Variants in PALMD observed in about 807,000 individuals in gnomAD.
PALMD encodes the protein palmdelphin.
PALMD carries 42 observed loss-of-function variants against 56.2 expected under a neutral mutation model. That is an observed-to-expected ratio of 0.75 (90% CI 0.58 to 0.97). The LOEUF is 0.97. Among genes scored for constraint, PALMD ranks in the 50% least tolerant of loss-of-function variants. PALMD has a pLI of 0.00. For missense variants in PALMD, 660 were observed against 643.8 expected (o/e 1.03, Z -0.27); for synonymous variants, 242 against 222.9 (o/e 1.09, Z -0.76).
intron 1 of PALMD, among the ~76,000 whole-genome samples, chr1:99,658,352 A>C (rs1467108113): frequency 6.6e-6 from 1 of 151,948 alleles, no homozygotes; most frequent in Non-Finnish European, 1.5e-5. Flanking sequence ...TAATAACTTT[A>C]TTTCTCAGAC....
At chr1:99,683,072 G>A (rs1456993185) in intron 3 of PALMD, among the ~76,000 whole-genome samples, 1 of 17,054 alleles carries the variant, frequency 5.9e-5, no homozygotes, top group Non-Finnish European at 9.5e-5. Flanking sequence ...GAGAGAGAGA[G>A]AGAGAGAGAG....
At chr1:99,678,307 G>A (rs959757510) in intron 3 of PALMD, among the ~76,000 whole-genome samples, 1 of 151,948 alleles carries the variant, frequency 6.6e-6, no homozygotes, top group Non-Finnish European at 1.5e-5. Context: ...GTTTCACCAT[G>A]TTGGCCGGGC....
At chr1:99,692,649 G>A (rs1653674685) in intron 7 of PALMD, among the ~76,000 whole-genome samples, 1 of 152,114 alleles carries the variant, frequency 6.6e-6, no homozygotes, top group Admixed American at 6.5e-5. Flanking sequence ...TTACAGTGAG[G>A]AGTGACTGTA....
chr1:99,680,548 G>T (rs1017754815), intron 3 of PALMD, among the ~76,000 whole-genome samples: 4 of 152,180 alleles, frequency 2.6e-5, no homozygotes, highest in African/African-American at 9.6e-5. Flanking sequence ...TTTCTCTGCT[G>T]CCTGTTCCTC....
At position 99,689,512 on chromosome 1, in the gene PALMD, A is replaced by G. The variant is rs754830651; in HGVS notation, c.1252A>G (p.Met418Val). The stretch of plus-strand genomic sequence containing the variant: ...TACAGAACCGGTGACAATGATTTTC[A>G]TGGGGTATCAGCAGGCAGAAGACAG... ...NDTEPVTMIF[M>V]GYQQAEDSEE... Residue 418 changes from methionine to valine, a missense_variant, in exon 7 of 8, where the codon ATG becomes GTG. Met to Val is a conservative substitution (Grantham distance 21). Transcript: ENST00000263174. The G allele has an allele frequency of 3.1e-6, 5 of 1,613,734 alleles. No individual in the cohort carries two copies. In the Admixed American group the frequency reaches 8.3e-5, roughly 27 times the overall value.
chr1:99,686,648 A>C (rs1653503331), intron 3 of PALMD, 28 bp from the exon 4 acceptor site: 1 of 1,158,454 alleles, frequency 8.6e-7, no homozygotes, highest in East Asian at 2.3e-5. Context: ...TGTGTTAAGC[A>C]ATAAAAAGTA....
At chr1:99,686,909 G>T in intron 4 of PALMD, 21 bp from the exon 5 acceptor site, 3 of 1,531,374 alleles carry the variant, frequency 2.0e-6, no homozygotes, top group South Asian at 1.2e-5. Context: ...ATTAATCATG[G>T]AGAATTCTTT....
rs2100880108 is a variant in PALMD, at chr1:99,694,129, T to C, written c.*67T>C. On this transcript the variant is annotated 3_prime_UTR_variant, in exon 8 of 8. Coordinates refer to ENST00000263174, the MANE Select transcript of PALMD (RefSeq NM_017734.5). ...AAGAAGCATTTGCAAATTTCTCTTC[T>C]GGATATTTTGTTTATTTTTTCTGAA... 1 of 1,104,974 alleles carries C rather than the reference T, an allele frequency of 9.0e-7. No homozygotes were observed. The highest frequency in any genetic ancestry group is 1.6e-5 in the African/African-American group (1 of 63,506). The allele number at this position is 1,104,974 out of a possible 1,614,324, so 68.4% of individuals were successfully genotyped here.
intron 1 of PALMD, among the ~76,000 whole-genome samples, chr1:99,647,314 A>G (rs1222362537): frequency 1.3e-5 from 2 of 152,226 alleles, no homozygotes; most frequent in Non-Finnish European, 1.5e-5. Flanking sequence ...AACTGATGCT[A>G]GATCAGGGAT....
chr1:99,664,101 A>G (rs909667738), intron 2 of PALMD, among the ~76,000 whole-genome samples: 1 of 152,062 alleles, frequency 6.6e-6, no homozygotes, highest in African/African-American at 2.4e-5. Context: ...AAAAGGTTTC[A>G]ATTTTCTCTG....
At chr1:99,649,270 A>G (rs1056172577) in intron 1 of PALMD, among the ~76,000 whole-genome samples, 3 of 152,232 alleles carry the variant, frequency 2.0e-5, no homozygotes, top group Non-Finnish European at 4.4e-5. Context: ...AGGGCTGCTT[A>G]AAATTAATTA....
At chr1:99,650,285 GAAAAAAAAAAAAAAAAAAAAAA>G (rs200081370) in intron 1 of PALMD, among the ~76,000 whole-genome samples, 2 of 116,958 alleles carry the variant, frequency 1.7e-5, no homozygotes, top group Admixed American at 8.4e-5. Context: ...TGCTCATAAT[GAAAAAAAAAAAAAAAAAAAAAA>G]AAAAAAAAAA....
At chr1:99,665,732 A>G (rs1425424185) in intron 2 of PALMD, among the ~76,000 whole-genome samples, 1 of 152,124 alleles carries the variant, frequency 6.6e-6, no homozygotes, top group African/African-American at 2.4e-5. Flanking sequence ...ACTTACTTCT[A>G]TAGGTGTTAC....
chr1:99,663,960 GT>G (rs946317838), intron 2 of PALMD, among the ~76,000 whole-genome samples: 5 of 152,118 alleles, frequency 3.3e-5, no homozygotes, highest in Admixed American at 3.3e-4. Flanking sequence ...CATTTATCAT[GT>G]TTTGGACTGC....
At chr1:99,685,195 C>T (rs1333427663) in intron 3 of PALMD, 1 of 152,192 alleles carries the variant, frequency 6.6e-6, no homozygotes, top group Non-Finnish European at 1.5e-5. Context: ...TGAGCGTAAT[C>T]TGTAATTATG....
intron 3 of PALMD, among the ~76,000 whole-genome samples, chr1:99,681,540 TGAG>T (rs1331556570): frequency 6.6e-6 from 1 of 151,984 alleles, no homozygotes; most frequent in East Asian, 1.9e-4. Context: ...GAAGGAATAA[TGAG>T]GAAAAAAATA....
chr1:99,686,720 T>A lies in PALMD; in HGVS notation c.296T>A (p.Ile99Asn). 6.2e-7 allele frequency: 1 copy of A among 1,609,180 alleles called. No homozygotes were observed. Among genetic ancestry groups the A allele is most frequent in the Non-Finnish European group, 8.5e-7 (1 of 1,176,798 alleles). ...IQDLEKAELQISTKEEAILKK... is the reference protein window; with the variant it reads ...IQDLEKAELQNSTKEEAILKK... ...GATCTTGAAAAAGCTGAACTGCAAA[T>A]CTCAACGAAGGAAGAGGCCATTTTA... The change falls in exon 4 of 8, where the codon ATC becomes AAC. Residue 99 changes from isoleucine (I) to asparagine (N), a missense_variant. By Grantham distance (149) the Ile-to-Asn change is moderately radical (BLOSUM62 -3). Transcript: ENST00000263174.
chr1:99,675,041 C>T (rs779694952), intron 3 of PALMD, among the ~76,000 whole-genome samples: 9 of 152,206 alleles, frequency 5.9e-5, no homozygotes, highest in Non-Finnish European at 1.3e-4. Flanking sequence ...TCACTTCGTC[C>T]ATTTAGACCA....
intron 1 of PALMD, among the ~76,000 whole-genome samples, chr1:99,648,639 C>T: frequency 6.6e-6 from 1 of 151,480 alleles, no homozygotes; most frequent in East Asian, 1.9e-4. Context: ...GACATAGCAA[C>T]ACATAGACCT....
Sources: allele counts gnomAD v4.1 joint callset (sites outside exome capture counted in the v4.1 genomes callset), GRCh38; gene constraint gnomAD v4.1.1; transcripts MANE v1.5; gene names NCBI Gene and HGNC (gene_info 2026-07-23, HGNC 2026-07-21).